The following DNAH12 variants were observed in gnomAD, a reference collection of about 807,000 sequenced individuals.
The protein encoded by DNAH12 is axonemal beta dynein heavy chain 12.
DNAH12 carries 285 observed loss-of-function variants against 371.5 expected under a neutral mutation model. The ratio of observed to expected loss-of-function variants is 0.77; its 90% confidence interval spans 0.70 to 0.85. The LOEUF is 0.85. Among genes scored for constraint, DNAH12 ranks in the 40% least tolerant of loss-of-function variants. DNAH12 has a pLI of 0.00. For missense variants in DNAH12, 3,611 were observed against 3,689.4 expected (o/e 0.98, Z 0.55); for synonymous variants, 1,200 against 1,213.0 (o/e 0.99, Z 0.22).
chr3:57,295,311 C>T (rs559902453), intron 73 of DNAH12, among the ~76,000 whole-genome samples: 11 of 152,120 alleles, frequency 7.2e-5, no homozygotes, highest in East Asian at 3.9e-4. Context: ...CCATAGGCTA[C>T]GATAAAAAAG....
intron 62 of DNAH12, among the ~76,000 whole-genome samples, chr3:57,329,842 C>T (rs188687107): frequency 2.0e-5 from 3 of 152,318 alleles, no homozygotes; most frequent in African/African-American, 7.2e-5. Flanking sequence ...CCAGAATCTA[C>T]AATGAACTCA....
At chr3:57,548,431 AG>A (rs2153405555), upstream of DNAH12, among the ~76,000 whole-genome samples, 1 of 152,334 alleles carries the variant, frequency 6.6e-6, no homozygotes, top group Non-Finnish European at 1.5e-5. Flanking sequence ...AGAAAAGGCC[AG>A]GCTCAGTGGC....
intron 4 of DNAH12, among the ~76,000 whole-genome samples, chr3:57,522,593 A>G (rs1422504137): frequency 6.6e-6 from 1 of 152,186 alleles, no homozygotes. Flanking sequence ...AGCTAAAAAG[A>G]GTTTCTTCCA....
chr3:57,323,435 T>C (rs1185572104), intron 63 of DNAH12, 34 bp downstream of exon 63: 1 of 1,500,406 alleles, frequency 6.7e-7, no homozygotes, highest in Admixed American at 2.6e-5. Context: ...GTTTTATTTA[T>C]GATTTCTTAA....
At chr3:57,504,387 GCA>G (rs57399659) in intron 8 of DNAH12, among the ~76,000 whole-genome samples, 183 bp from the exon 9 acceptor site, 28,456 of 149,722 alleles carry the variant, frequency 0.19, 2,893 homozygotes, top group African/African-American at 0.24. Context: ...ATACATACAT[GCA>G]CACACACACA....
chr3:57,345,894 G>A (rs1169166742), intron 60 of DNAH12, among the ~76,000 whole-genome samples: 1 of 152,040 alleles, frequency 6.6e-6, no homozygotes, highest in Non-Finnish European at 1.5e-5. Context: ...TGGCTAGGCA[G>A]TTCATCTGTC....
intron 25 of DNAH12, among the ~76,000 whole-genome samples, chr3:57,448,440 G>A (rs763958388): frequency 2.6e-4 from 40 of 152,030 alleles, no homozygotes; most frequent in Non-Finnish European, 5.0e-4. Context: ...AATGCAGCAC[G>A]TCTGGAGTTG....
At chr3:57,372,283 AT>A (rs1210423598) in intron 55 of DNAH12, among the ~76,000 whole-genome samples, 3 of 152,030 alleles carry the variant, frequency 2.0e-5, no homozygotes, top group Non-Finnish European at 2.9e-5. Context: ...GTTTTAAAAG[AT>A]TTTTTTTAGG....
At chr3:57,427,933 G>T (rs189350260) in intron 34 of DNAH12, among the ~76,000 whole-genome samples, 3,632 of 148,498 alleles carry the variant, frequency 0.024, 68 homozygotes, top group Admixed American at 0.036. Flanking sequence ...TGGTTTTGGG[G>T]TTTTTTTTTT....
chr3:57,343,529 G>C (rs2062456777), intron 60 of DNAH12, among the ~76,000 whole-genome samples: 1 of 152,236 alleles, frequency 6.6e-6, no homozygotes, highest in Admixed American at 6.5e-5. Flanking sequence ...AGGGGCCTCT[G>C]CCCTTGAAAG....
intron 36 of DNAH12, 64 bp downstream of exon 36, chr3:57,421,454 A>G: frequency 6.7e-7 from 1 of 1,483,266 alleles, no homozygotes; most frequent in Non-Finnish European, 9.1e-7. Context: ...AAAACCCAGG[A>G]GCTTTGTCTG....
At chr3:57,516,427 G>A (rs1054014279) in intron 4 of DNAH12, among the ~76,000 whole-genome samples, 13 of 152,194 alleles carry the variant, frequency 8.5e-5, no homozygotes, top group African/African-American at 3.1e-4. Flanking sequence ...TCAATGGGCT[G>A]ACCTCTGTCT....
intron 50 of DNAH12, among the ~76,000 whole-genome samples, 200 bp from the exon 51 acceptor site, chr3:57,380,567 T>C (rs1417584596): frequency 1.3e-5 from 2 of 152,248 alleles, no homozygotes; most frequent in East Asian, 3.9e-4. Context: ...CAGGTTCAAG[T>C]GATTCTCCCA....
At chr3:57,393,704 T>C (rs1050716051) in intron 44 of DNAH12, among the ~76,000 whole-genome samples, 4 of 150,158 alleles carry the variant, frequency 2.7e-5, no homozygotes, top group African/African-American at 9.9e-5. Context: ...TAGGTGATAG[T>C]AGCAGACACG....
intron 73 of DNAH12, among the ~76,000 whole-genome samples, chr3:57,294,792 A>C (rs1318160581): frequency 6.6e-6 from 1 of 152,214 alleles, no homozygotes; most frequent in East Asian, 1.9e-4. Flanking sequence ...TACAATCCCC[A>C]AAAAGCCAGA....
chr3:57,296,405 G>C lies in DNAH12; in HGVS notation c.11563C>G (p.Pro3855Ala). The change falls in exon 72 of 74, where the codon CCA (proline) becomes GCA (alanine). Residue 3855 changes from proline to alanine, a missense_variant. This residue lies in a region of DNAH12 where 2,266 missense variants were observed against 2,236.9 expected (regional missense o/e 1.01). Coordinates refer to ENST00000495027, the MANE Select transcript of DNAH12 (RefSeq NM_001366028.2). ...CCGTGGATATAAACACCATCTTCTGGTGATGTGTCAGATGTATCAGATGGG... is the reference window on the plus strand; with the variant it reads ...CCGTGGATATAAACACCATCTTCTGCTGATGTGTCAGATGTATCAGATGGG... ...VIPSDTSDTS[P>A]EDGVYIHGLY... 2 of 1,550,712 alleles carry C rather than the reference G, an allele frequency of 1.3e-6. No homozygotes were observed. Among genetic ancestry groups the C allele is most frequent in the Non-Finnish European group, 8.7e-7 (1 of 1,146,516 alleles).
chr3:57,472,567 G>T lies in DNAH12; in HGVS notation c.1755C>A (p.Pro585=). The T allele has an allele frequency of 1.3e-6, 2 of 1,549,282 alleles. No homozygotes were observed. Among genetic ancestry groups the T allele is most frequent in the Non-Finnish European group, 1.7e-6 (2 of 1,146,296 alleles). ...TVLMWPRKIN[P]IFDENDELIE... ...TTACCTCATCATTTTCATCAAAGAT[G>T]GGATTAATTTTCCTAGGCCACATGA... The change falls in exon 14 of 74, where the codon CCC becomes CCA. Residue 585 remains proline, a synonymous_variant. Transcript: ENST00000495027.
At chr3:57,389,840 A>ATATATATATAT (rs1559608294) in intron 45 of DNAH12, among the ~76,000 whole-genome samples, 13 of 98,600 alleles carry the variant, frequency 1.3e-4, no homozygotes, top group East Asian at 7.1e-4. Flanking sequence ...ATATATATAT[A>ATATATATATAT]ATACTTTTTT....
intron 60 of DNAH12, among the ~76,000 whole-genome samples, chr3:57,348,709 A>G (rs2153319825): frequency 6.6e-6 from 1 of 152,330 alleles, no homozygotes; most frequent in African/African-American, 2.4e-5. Flanking sequence ...ATAGAGTGAA[A>G]TGAAAAAGAA....
Sources: allele counts gnomAD v4.1 joint callset (sites outside exome capture counted in the v4.1 genomes callset), GRCh38; gene constraint gnomAD v4.1.1; regional missense constraint gnomAD v4.1.1; transcripts MANE v1.5; gene names NCBI Gene and HGNC (gene_info 2026-07-23, HGNC 2026-07-21).